Variants in CFAP20DC observed in about 807,000 individuals in gnomAD.
CFAP20DC encodes the protein protein CFAP20DC.
CFAP20DC carries 84 observed loss-of-function variants against 101.7 expected under a neutral mutation model. The ratio of observed to expected loss-of-function variants is 0.83; its 90% CI spans 0.69 to 0.99. The LOEUF (loss-of-function observed/expected upper bound fraction) is 0.99, where lower values mean the gene tolerates loss of function less well. Among genes scored for constraint, CFAP20DC ranks in the 50% least tolerant of loss-of-function variants. CFAP20DC has a pLI of 0.00. For missense variants in CFAP20DC, 1,007 were observed against 970.3 expected, an observed-to-expected ratio of 1.04 and a Z score of -0.50; for synonymous variants, 359 against 351.2, an observed-to-expected ratio of 1.02 and a Z score of -0.25.
chr3:58,856,215 G>A (rs1276501202), intron 12 of CFAP20DC, among the ~76,000 whole-genome samples: 1 of 145,890 alleles, frequency 6.9e-6, no homozygotes, highest in East Asian at 2.1e-4. Context: ...TTTCTTCTTG[G>A]TATTCATCCT....
chr3:58,818,532 A>C lies in CFAP20DC; in HGVS notation c.2176-12076T>G, dbSNP rs1312331120. Among the ~76,000 whole-genome samples the C allele has an allele frequency of 4.6e-5, 7 of 150,968 alleles. No individual in the cohort carries two copies. In the South Asian group the frequency reaches 8.4e-4, roughly 18 times the overall value. On this transcript the variant is annotated intron_variant, in intron 14 of 16. Coordinates refer to ENST00000482387, the MANE Select transcript of CFAP20DC (RefSeq NM_001394063.1). ...CAGACTTTAAACCAACAAAGATCAAAAGAGACAAAGAAGGCCATTACATAA... is the reference window on the plus strand; with the variant it reads ...CAGACTTTAAACCAACAAAGATCAACAGAGACAAAGAAGGCCATTACATAA...
intron 15 of CFAP20DC, among the ~76,000 whole-genome samples, chr3:58,801,050 T>TGAGAGTGAGAGAGAGAGA (rs1553667421): frequency 7.6e-6 from 1 of 131,682 alleles, no homozygotes; most frequent in Admixed American, 7.6e-5. Context: ...GGGGAGTAAG[T>TGAGAGTGAGAGAGAGAGA]GAGAGAGAGA....
chr3:58,988,664 A>T (rs910476060), intron 4 of CFAP20DC, among the ~76,000 whole-genome samples: 2 of 152,190 alleles, frequency 1.3e-5, no homozygotes, highest in Non-Finnish European at 2.9e-5. Flanking sequence ...TACTTCGTTA[A>T]AGCAGCCCAA....
intron 16 of CFAP20DC, among the ~76,000 whole-genome samples, chr3:58,744,702 A>G (rs2068076461): frequency 6.6e-6 from 1 of 152,134 alleles, no homozygotes; most frequent in African/African-American, 2.4e-5. Context: ...AGAAGTTAAG[A>G]AAATCTGGGG....
At position 58,894,360 on chromosome 3, in the gene CFAP20DC, C is replaced by T. The variant is rs2082496624; in HGVS notation, c.551-9651G>A. Among the ~76,000 whole-genome samples the T allele has an allele frequency of 6.6e-6, 1 of 152,170 alleles. No individual in the cohort carries two copies. Among genetic ancestry groups the T allele is most frequent in the Non-Finnish European group, 1.5e-5 (1 of 68,030 alleles). On this transcript the variant is annotated intron_variant, in intron 6 of 16. Coordinates refer to ENST00000482387, the MANE Select transcript of CFAP20DC (RefSeq NM_001394063.1). The surrounding 1 kb of genome is among the most constrained non-coding windows in gnomAD (Gnocchi z 4.1). ...CAAGTTAGTTACTTCCTAGATACAA[C>T]AGGGGTACAGGTACCTATTCCAAAT...
In CFAP20DC at chr3:58,846,701, C is replaced by A. The variant is rs62252043; in HGVS notation, c.1971+2331G>T. ...TATGGAACCAAAAAAGAGCCCGCAT[C>A]GCCAAGTCAATCCTAAGCCAAAAGA... On this transcript the variant is annotated intron_variant, in intron 13 of 16. Coordinates refer to ENST00000482387, the MANE Select transcript of CFAP20DC (RefSeq NM_001394063.1). Among the ~76,000 whole-genome samples the A allele has an allele frequency of 6.0e-5, 9 of 151,178 alleles. No homozygotes were observed. The East Asian group carries it at 1.6e-3, about 26-fold the overall frequency.
intron 4 of CFAP20DC, among the ~76,000 whole-genome samples, chr3:59,022,654 C>G (rs1047853192): frequency 6.6e-6 from 1 of 151,960 alleles, no homozygotes. Flanking sequence ...TGCAACCAAC[C>G]ACCTACTATA....
chr3:58,972,085 G>A (rs963039873), intron 4 of CFAP20DC, among the ~76,000 whole-genome samples: 2 of 152,038 alleles, frequency 1.3e-5, no homozygotes, highest in African/African-American at 2.4e-5. Flanking sequence ...ATAAATATGC[G>A]AAAACAATAT....
At chr3:58,957,164 T>C (rs952011483) in intron 4 of CFAP20DC, among the ~76,000 whole-genome samples, 1 of 152,148 alleles carries the variant, frequency 6.6e-6, no homozygotes, top group Admixed American at 6.5e-5. Flanking sequence ...TAGGAAAACA[T>C]CTAATTATCT....
At chr3:58,763,570 G>A (rs573257604) in intron 15 of CFAP20DC, among the ~76,000 whole-genome samples, 8 of 152,210 alleles carry the variant, frequency 5.3e-5, no homozygotes, top group South Asian at 4.1e-4. Context: ...GCTTTGTTCC[G>A]TTGCTGGTGA....
intron 4 of CFAP20DC, among the ~76,000 whole-genome samples, chr3:59,030,884 A>G (rs190340077): frequency 8.0e-4 from 121 of 151,930 alleles, no homozygotes; most frequent in African/African-American, 2.8e-3. Context: ...AGTGCAGTGG[A>G]GCAATCTCGG....
At chr3:58,890,190 C>T (rs1218370356) in intron 6 of CFAP20DC, among the ~76,000 whole-genome samples, 1 of 148,206 alleles carries the variant, frequency 6.7e-6, no homozygotes, top group Admixed American at 6.7e-5. Flanking sequence ...GGCTGACCCC[C>T]CCACCTCCCT....
chr3:58,783,084 T>C (rs1055502607), intron 15 of CFAP20DC, among the ~76,000 whole-genome samples: 19 of 151,976 alleles, frequency 1.3e-4, no homozygotes, highest in Admixed American at 1.1e-3. Flanking sequence ...AAGAGACATA[T>C]AGACCAATGG....
intron 4 of CFAP20DC, among the ~76,000 whole-genome samples, chr3:58,988,752 C>T (rs139950052): frequency 6.6e-6 from 1 of 152,234 alleles, no homozygotes; most frequent in Admixed American, 6.5e-5. Context: ...GCCATTATTA[C>T]TTCTAAATTT....
In CFAP20DC at chr3:58,864,263, G is replaced by A. The variant is rs969143242; in HGVS notation, c.1259-371C>T. On this transcript the variant is annotated intron_variant, in intron 11 of 16. Transcript: ENST00000482387. This position sits in a 1 kb window ranked among gnomAD's most constrained non-coding sequence, Gnocchi z 4.7. Reference sequence around the variant, plus strand: ...TGAGCCACCGCGCCTGGCCAAAAGTGTTATTTTAGGCAGGTAGTTAGGCTA... The same window carrying A: ...TGAGCCACCGCGCCTGGCCAAAAGTATTATTTTAGGCAGGTAGTTAGGCTA... Among the ~76,000 whole-genome samples the A allele has an allele frequency of 5.9e-5, 9 of 152,176 alleles. No individual in the cohort carries two copies. Among genetic ancestry groups the A allele is most frequent in the African/African-American group, 9.7e-5 (4 of 41,450 alleles).
In CFAP20DC at chr3:58,857,439, A is replaced by C. The variant is rs574469542; in HGVS notation, c.1593+6119T>G. On this transcript the variant is annotated intron_variant, in intron 12 of 16. Coordinates refer to ENST00000482387, the MANE Select transcript of CFAP20DC (RefSeq NM_001394063.1). Reference sequence around the variant, plus strand: ...TTCATGAGTATGTACATGGACATTCATCTTACATTTTTCCTAAGGAATACT... The same window carrying C: ...TTCATGAGTATGTACATGGACATTCCTCTTACATTTTTCCTAAGGAATACT... Among the ~76,000 whole-genome samples, 6 of 152,276 alleles carry C rather than the reference A, an allele frequency of 3.9e-5. No individual in the cohort carries two copies. The South Asian group carries it at 1.2e-3, about 32-fold the overall frequency.
intron 5 of CFAP20DC, among the ~76,000 whole-genome samples, chr3:58,918,540 C>A (rs1158874434): frequency 2.0e-5 from 3 of 152,150 alleles, no homozygotes; most frequent in African/African-American, 7.2e-5. Flanking sequence ...ACTCATAGGG[C>A]TACATTCTGA....
At chr3:58,807,520 G>A (rs1169099015) in intron 14 of CFAP20DC, among the ~76,000 whole-genome samples, 5 of 152,262 alleles carry the variant, frequency 3.3e-5, no homozygotes, top group East Asian at 3.9e-4. Context: ...TCTGTTAGAA[G>A]GAAAACTAAC....
At chr3:58,785,349 G>A (rs921557990) in intron 15 of CFAP20DC, among the ~76,000 whole-genome samples, 1 of 151,968 alleles carries the variant, frequency 6.6e-6, no homozygotes, top group Admixed American at 6.6e-5. Flanking sequence ...TAGATAGAAG[G>A]TATAAATTCC....
Sources: gnomAD v4.1 joint callset for allele counts (sites outside exome capture counted in the v4.1 genomes callset) on GRCh38, gnomAD v4.1.1 for gene constraint, Gnocchi (gnomAD v3.1) non-coding constraint, MANE v1.5 for transcripts, NCBI Gene and HGNC (gene_info 2026-07-23, HGNC 2026-07-21) for gene names.